Variants in FARS2 observed in about 807,000 individuals in gnomAD.
FARS2 encodes the protein phenylalanine--tRNA ligase, mitochondrial.
In FARS2, 40 loss-of-function variants were observed where a neutral mutation model predicts 46.4. The ratio of observed to expected loss-of-function variants is 0.86; its 90% CI spans 0.67 to 1.12. The LOEUF (loss-of-function observed/expected upper bound fraction) is 1.12. FARS2 is among the 50% of genes most tolerant of loss of function. The pLI is 0.00. For synonymous variants in FARS2, 234 were observed against 214.9 expected (o/e 1.09, Z -0.78); for missense variants, 513 against 567.9 (o/e 0.90, Z 0.98).
In FARS2 at chr6:5,343,541, A is replaced by G. The variant is rs2127595345; in HGVS notation, c.-21-25009A>G. 6.6e-6 allele frequency among the ~76,000 whole-genome samples: 1 copy of G among 152,290 alleles called. No individual in the cohort carries two copies. Reference sequence around the variant, plus strand: ...TTTCAGTTATTCTTGATGTGTTTTAAAAGTGTGCATTCCATAACAGTTGGA... The same window carrying G: ...TTTCAGTTATTCTTGATGTGTTTTAGAAGTGTGCATTCCATAACAGTTGGA... On this transcript the variant is annotated intron_variant, in intron 1 of 6. Coordinates refer to ENST00000274680, the MANE Select transcript of FARS2 (RefSeq NM_006567.5). This position sits in a 1 kb window ranked among gnomAD's most constrained non-coding sequence, Gnocchi z 4.5.
chr6:5,318,386 C>CAAA (rs1769699670), intron 1 of FARS2, among the ~76,000 whole-genome samples: 2 of 65,774 alleles, frequency 3.0e-5, no homozygotes, highest in African/African-American at 9.4e-5. Context: ...CAAAAAAAAA[C>CAAA]CAAAAAAAAA....
At chr6:5,593,331 C>G (rs1479096143) in intron 5 of FARS2, among the ~76,000 whole-genome samples, 2 of 151,304 alleles carry the variant, frequency 1.3e-5, no homozygotes, top group East Asian at 3.9e-4. Context: ...TTTCCAAACA[C>G]AGAGGTGCAC....
At chr6:5,365,317 CTTT>C (rs61097603) in intron 1 of FARS2, among the ~76,000 whole-genome samples, 34 of 42,474 alleles carry the variant, frequency 8.0e-4, no homozygotes, top group South Asian at 2.8e-3. Context: ...AGTATACTTT[CTTT>C]TTTTTTTTTT....
chr6:5,351,352 G>A (rs936869163), intron 1 of FARS2, among the ~76,000 whole-genome samples: 2 of 152,192 alleles, frequency 1.3e-5, no homozygotes, highest in Non-Finnish European at 2.9e-5. Flanking sequence ...TGGACAGGGA[G>A]ATATAAAACT....
At chr6:5,556,531 A>G (rs925110721) in intron 5 of FARS2, among the ~76,000 whole-genome samples, 1 of 151,762 alleles carries the variant, frequency 6.6e-6, no homozygotes, top group African/African-American at 2.4e-5. Context: ...ATGGAGTCCT[A>G]TGGATTGTGG....
chr6:5,572,630 T>C (rs554696213), intron 5 of FARS2, among the ~76,000 whole-genome samples: 8 of 152,094 alleles, frequency 5.3e-5, no homozygotes, highest in Non-Finnish European at 1.2e-4. Flanking sequence ...CCGTAACAAG[T>C]AGCCTCATTT....
At chr6:5,346,825 GA>G (rs1202980581) in intron 1 of FARS2, among the ~76,000 whole-genome samples, 1 of 151,486 alleles carries the variant, frequency 6.6e-6, no homozygotes, top group African/African-American at 2.4e-5. Flanking sequence ...TAATTAGCTG[GA>G]GTTCAACATT....
At chr6:5,568,158 TTTTCTC>T (rs1252101814) in intron 5 of FARS2, among the ~76,000 whole-genome samples, 1 of 152,200 alleles carries the variant, frequency 6.6e-6, no homozygotes, top group Non-Finnish European at 1.5e-5. Flanking sequence ...CTCTTGCTGT[TTTTCTC>T]TATGTGGCAT....
At chr6:5,260,598 T>TGCCCCGGGCCCCGGGCCCCCCCCCCCCCC, upstream of FARS2, 1 of 1,105,570 alleles carries the variant, frequency 9.0e-7, no homozygotes, top group Non-Finnish European at 1.3e-6. Context: ...GCACCCCCGG[T>TGCCCCGGGCCCCGGGCCCCCCCCCCCCCC]CCCCGGCCCC....
chr6:5,392,123 C>G (rs1760555851), intron 2 of FARS2, among the ~76,000 whole-genome samples: 1 of 152,178 alleles, frequency 6.6e-6, no homozygotes, highest in Admixed American at 6.5e-5. Flanking sequence ...TCCCTGGAAT[C>G]AAGGGTGAGA....
chr6:5,477,310 C>G (rs1230407148), intron 4 of FARS2, among the ~76,000 whole-genome samples: 1 of 152,202 alleles, frequency 6.6e-6, no homozygotes, highest in Non-Finnish European at 1.5e-5. Context: ...TGTCTCAGCT[C>G]ACAACAGACC....
intron 5 of FARS2, among the ~76,000 whole-genome samples, chr6:5,594,915 A>G (rs927066604): frequency 6.6e-6 from 1 of 152,214 alleles, no homozygotes; most frequent in Admixed American, 6.5e-5. Flanking sequence ...CCTGACAGGA[A>G]TAGAAAGCTG....
intron 2 of FARS2, among the ~76,000 whole-genome samples, chr6:5,387,665 C>T (rs924999247): frequency 6.6e-6 from 1 of 152,188 alleles, no homozygotes; most frequent in Non-Finnish European, 1.5e-5. Context: ...GGAAGAATAG[C>T]GTGAAGCATC....
chr6:5,434,713 A>G (rs11243013), intron 4 of FARS2, among the ~76,000 whole-genome samples: 37,956 of 151,956 alleles, frequency 0.25, 4,939 homozygotes, highest in East Asian at 0.39. Flanking sequence ...CAGTTCCGCT[A>G]TTCTTTCCAT....
chr6:5,632,252 C>T (rs950800298), intron 6 of FARS2, among the ~76,000 whole-genome samples: 2 of 152,166 alleles, frequency 1.3e-5, no homozygotes, highest in African/African-American at 2.4e-5. Context: ...GCTCTACAGG[C>T]GTTTCAACTC....
chr6:5,701,897 A>G (rs1477791122), intron 6 of FARS2, among the ~76,000 whole-genome samples: 2 of 152,006 alleles, frequency 1.3e-5, no homozygotes, highest in East Asian at 3.8e-4. Context: ...TTTTATTAAC[A>G]TATACGGTAA....
chr6:5,618,914 A>G (rs1292769759), intron 6 of FARS2, among the ~76,000 whole-genome samples: 1 of 152,248 alleles, frequency 6.6e-6, no homozygotes, highest in Admixed American at 6.5e-5. Context: ...GCAATCATGT[A>G]TGTCAGTATA....
intron 6 of FARS2, among the ~76,000 whole-genome samples, chr6:5,669,388 C>CTT: frequency 6.7e-6 from 1 of 148,402 alleles, no homozygotes; most frequent in South Asian, 2.2e-4. Flanking sequence ...CACCCCCCCG[C>CTT]TGCCTATAAA....
intron 1 of FARS2, among the ~76,000 whole-genome samples, chr6:5,279,471 A>G (rs1000173996): frequency 6.6e-6 from 1 of 150,964 alleles, no homozygotes; most frequent in Non-Finnish European, 1.5e-5. Flanking sequence ...ACAAGTGTAT[A>G]TAAATGGAGT....
Sources: gnomAD v4.1 joint callset for allele counts (sites outside exome capture counted in the v4.1 genomes callset) on GRCh38, gnomAD v4.1.1 for gene constraint, Gnocchi (gnomAD v3.1) non-coding constraint, MANE v1.5 for transcripts, NCBI Gene and HGNC (gene_info 2026-07-23, HGNC 2026-07-21) for gene names.